Variants in TAFA1 observed in about 807,000 individuals in gnomAD.
The protein encoded by TAFA1 is TAFA chemokine like family member 1, also known as chemokine-like protein TAFA-1.
In TAFA1, 4 loss-of-function variants were observed where a neutral mutation model predicts 18.5. The ratio of observed to expected loss-of-function variants is 0.22; its 90% CI spans 0.11 to 0.49. The LOEUF (loss-of-function observed/expected upper bound fraction) is 0.49, where lower values mean the gene tolerates loss of function less well. TAFA1 is among the 20% of genes least tolerant of loss of function. The pLI is 0.98. For missense variants in TAFA1, 147 were observed against 169.0 expected (o/e 0.87, Z 0.72); for synonymous variants, 56 against 55.2 (o/e 1.01, Z -0.06).
At chr3:68,500,063 A>G (rs2072630695) in intron 3 of TAFA1, among the ~76,000 whole-genome samples, 2 of 151,944 alleles carry the variant, frequency 1.3e-5, no homozygotes, top group Non-Finnish European at 2.9e-5. Flanking sequence ...TGTGCCTTCT[A>G]CTATGTTGGC....
intron 3 of TAFA1, among the ~76,000 whole-genome samples, chr3:68,520,512 C>G (rs1295221977): frequency 6.6e-6 from 1 of 152,186 alleles, no homozygotes; most frequent in Non-Finnish European, 1.5e-5. Flanking sequence ...TCAGAAACAT[C>G]CAAATGAATC....
At chr3:68,222,680 T>C (rs2066746151) in intron 2 of TAFA1, among the ~76,000 whole-genome samples, 1 of 152,012 alleles carries the variant, frequency 6.6e-6, no homozygotes, top group African/African-American at 2.4e-5. Flanking sequence ...TTTATTTTTA[T>C]TATTTTTATT....
intron 2 of TAFA1, among the ~76,000 whole-genome samples, chr3:68,344,266 A>G (rs2069131156): frequency 6.6e-6 from 1 of 152,242 alleles, no homozygotes; most frequent in African/African-American, 2.4e-5. Context: ...GGGTGTTTGA[A>G]CTACTTAATA....
At chr3:68,375,781 G>C (rs1418306249) in intron 2 of TAFA1, among the ~76,000 whole-genome samples, 1 of 152,108 alleles carries the variant, frequency 6.6e-6, no homozygotes, top group Non-Finnish European at 1.5e-5. Flanking sequence ...AGCCAAGTTT[G>C]AGACCATTGC....
intron 2 of TAFA1, among the ~76,000 whole-genome samples, chr3:68,296,344 G>T (rs934255458): frequency 1.3e-5 from 2 of 152,124 alleles, no homozygotes; most frequent in Non-Finnish European, 1.5e-5. Flanking sequence ...TGCCTGTTTG[G>T]TTGAATTGTT....
chr3:68,432,618 A>T (rs2071198158), intron 3 of TAFA1, among the ~76,000 whole-genome samples: 1 of 152,016 alleles, frequency 6.6e-6, no homozygotes, highest in African/African-American at 2.4e-5. Flanking sequence ...GTCATGACAT[A>T]GAAAAGTCTG....
chr3:68,148,756 C>G (rs1315427866), intron 2 of TAFA1, among the ~76,000 whole-genome samples: 1 of 152,138 alleles, frequency 6.6e-6, no homozygotes, highest in East Asian at 1.9e-4. Flanking sequence ...GGAGGCAGAG[C>G]TAAGGGTTAT....
chr3:68,538,505 AT>A (rs931822932), intron 3 of TAFA1, among the ~76,000 whole-genome samples: 1 of 152,200 alleles, frequency 6.6e-6, no homozygotes, highest in Non-Finnish European at 1.5e-5. Context: ...TACTGTCATA[AT>A]TTTGAAAAGG....
At chr3:68,474,274 C>G (rs1027660924) in intron 3 of TAFA1, among the ~76,000 whole-genome samples, 2 of 152,146 alleles carry the variant, frequency 1.3e-5, no homozygotes, top group East Asian at 3.9e-4. Context: ...TTTATTTTCA[C>G]CACTATACCA....
At chr3:68,433,860 C>T (rs542319300) in intron 3 of TAFA1, among the ~76,000 whole-genome samples, 1 of 152,240 alleles carries the variant, frequency 6.6e-6, no homozygotes, top group Admixed American at 6.6e-5. Context: ...ATGTGAGATA[C>T]AGATTTGGTG....
chr3:68,276,163 A>G (rs2067792495), intron 2 of TAFA1, among the ~76,000 whole-genome samples: 1 of 152,152 alleles, frequency 6.6e-6, no homozygotes, highest in Non-Finnish European at 1.5e-5. Flanking sequence ...CAACTAAAAA[A>G]AAAAACCCAG....
intron 2 of TAFA1, among the ~76,000 whole-genome samples, chr3:68,182,403 G>A (rs756683943): frequency 1.1e-4 from 16 of 152,156 alleles, no homozygotes; most frequent in Non-Finnish European, 2.4e-4. Flanking sequence ...ATAGTGTGAT[G>A]CATGGTGCCG....
intron 2 of TAFA1, among the ~76,000 whole-genome samples, chr3:68,275,045 T>C (rs967334129): frequency 6.6e-6 from 1 of 152,132 alleles, no homozygotes; most frequent in African/African-American, 2.4e-5. Flanking sequence ...TGTTGTATTA[T>C]ATTTTATTTT....
chr3:68,537,876 G>A (rs964601761), intron 3 of TAFA1, among the ~76,000 whole-genome samples: 16 of 152,184 alleles, frequency 1.1e-4, no homozygotes, highest in African/African-American at 3.9e-4. Context: ...CTGAGACCAT[G>A]ATATTGCAGT....
chr3:68,503,597 A>C (rs934725287), intron 3 of TAFA1, among the ~76,000 whole-genome samples: 3 of 152,120 alleles, frequency 2.0e-5, no homozygotes, highest in Non-Finnish European at 2.9e-5. Flanking sequence ...TCTGGAATTA[A>C]CTTGTGGCAA....
chr3:68,448,289 A>G (rs1259612160), intron 3 of TAFA1, among the ~76,000 whole-genome samples: 1 of 152,230 alleles, frequency 6.6e-6, no homozygotes, highest in Admixed American at 6.5e-5. Context: ...AAAATCAATT[A>G]TATTGAAATC....
At chr3:68,449,853 G>C (rs2071539808) in intron 3 of TAFA1, among the ~76,000 whole-genome samples, 1 of 152,200 alleles carries the variant, frequency 6.6e-6, no homozygotes, top group Non-Finnish European at 1.5e-5. Flanking sequence ...AAGTGGGAAA[G>C]TGAATAAACA....
rs183925040 is a variant in TAFA1, at chr3:68,423,819, A to G, written c.259+6399A>G. ...GCATTTAACTAGTTGTTAGTAGGGG[A>G]GGTCCTTTAATCCCTTGTGGATTTT... On this transcript the variant is annotated intron_variant, in intron 3 of 4. Coordinates refer to ENST00000478136, the MANE Select transcript of TAFA1 (RefSeq NM_213609.4). 1.2e-3 allele frequency among the ~76,000 whole-genome samples: 184 copies of G among 151,960 alleles called. 4 individuals are homozygous for G. The East Asian group carries it at 0.034, about 28-fold the overall frequency.
chr3:68,536,175 G>C (rs2073276007), intron 3 of TAFA1, among the ~76,000 whole-genome samples: 1 of 152,174 alleles, frequency 6.6e-6, no homozygotes. Flanking sequence ...GAATTCTAAA[G>C]AAGGGGAAGA....
Sources: gnomAD v4.1 joint callset for allele counts (sites outside exome capture counted in the v4.1 genomes callset) on GRCh38, gnomAD v4.1.1 for gene constraint, MANE v1.5 for transcripts, NCBI Gene and HGNC (gene_info 2026-07-23, HGNC 2026-07-21) for gene names.